Variants in HHLA1 observed in about 807,000 individuals in gnomAD.
The protein encoded by HHLA1 is HERV-H LTR-associating protein 1.
Under a neutral mutation model 69.9 loss-of-function variants are expected in HHLA1, and 72 were observed. That is an observed-to-expected ratio of 1.03 (90% CI 0.85 to 1.25). HHLA1 has a LOEUF of 1.25. Ranked by LOEUF, HHLA1 falls within the 50% of genes most tolerant of loss-of-function variation. The pLI is 0.00. For missense variants in HHLA1, 685 were observed against 642.2 expected (o/e 1.07, Z -0.72); for synonymous variants, 252 against 233.2 (o/e 1.08, Z -0.73).
At chr8:132,065,529 G>A (rs531203282) in intron 16 of HHLA1, among the ~76,000 whole-genome samples, 14 of 152,286 alleles carry the variant, frequency 9.2e-5, no homozygotes, top group South Asian at 4.1e-4. Flanking sequence ...TGATCCGCCC[G>A]CCTTGGCCTC....
intron 10 of HHLA1, among the ~76,000 whole-genome samples, chr8:132,083,695 C>T (rs1400766096): frequency 6.6e-6 from 1 of 152,140 alleles, no homozygotes; most frequent in Admixed American, 6.5e-5. Flanking sequence ...ATTTCCAGCA[C>T]ATGTAGCAAG....
intron 15 of HHLA1, among the ~76,000 whole-genome samples, chr8:132,068,909 T>C (rs1823484250): frequency 6.6e-6 from 1 of 152,038 alleles, no homozygotes; most frequent in Non-Finnish European, 1.5e-5. Flanking sequence ...AGAATGGGAG[T>C]TTAGATTATC....
At chr8:132,107,381 A>G (rs1252185367) in intron 1 of HHLA1, among the ~76,000 whole-genome samples, 4 of 151,964 alleles carry the variant, frequency 2.6e-5, no homozygotes, top group Non-Finnish European at 4.4e-5. Flanking sequence ...GCTCACTGCA[A>G]CCTCCGCCTC....
intron 3 of HHLA1, 55 bp from the exon 4 acceptor site, chr8:132,100,189 C>A: frequency 7.5e-7 from 1 of 1,332,462 alleles, no homozygotes; most frequent in Non-Finnish European, 1.1e-6. Context: ...TTCCTACCCC[C>A]AGGAATGGAA....
Position 132,105,180 on chromosome 8 carries a change from G to T in HHLA1, c.79+7C>A. On this transcript the variant is annotated splice_region_variant and intron_variant, in intron 2 of 16. Transcript: ENST00000414222. Reference sequence around the variant, plus strand: ...ACAGACACTTGCAGAACTCCAGCTAGACCCACCTGTGTTCCAAAGGGACAA... The same window carrying T: ...ACAGACACTTGCAGAACTCCAGCTATACCCACCTGTGTTCCAAAGGGACAA... The T allele has an allele frequency of 6.5e-7, 1 of 1,548,998 alleles. No homozygotes were observed. The highest frequency in any genetic ancestry group is 1.2e-5 in the South Asian group (1 of 83,988).
chr8:132,090,501 G>A (rs1467164756), intron 7 of HHLA1, among the ~76,000 whole-genome samples: 2 of 152,178 alleles, frequency 1.3e-5, no homozygotes, highest in Non-Finnish European at 2.9e-5. Context: ...GCAGGAGCAA[G>A]CTAACTTGAA....
At chr8:132,090,661 G>T (rs539801404) in intron 7 of HHLA1, among the ~76,000 whole-genome samples, 1 of 152,206 alleles carries the variant, frequency 6.6e-6, no homozygotes, top group Non-Finnish European at 1.5e-5. Flanking sequence ...ACCTCCTGGA[G>T]GGAGAACACC....
Position 132,104,116 on chromosome 8 carries a change from G to A in HHLA1, c.131C>T (p.Pro44Leu). 2 of 1,550,314 alleles carry A rather than the reference G, an allele frequency of 1.3e-6. No individual in the cohort carries two copies. Among genetic ancestry groups the A allele is most frequent in the Non-Finnish European group, 1.7e-6 (2 of 1,145,766 alleles). Residue 44 changes from proline to leucine, a missense_variant, in exon 3 of 17, where the codon CCT becomes CTT. Pro to Leu is a moderately conservative substitution (Grantham distance 98, BLOSUM62 -3). Transcript: ENST00000414222. ...CCTTATCACCCACTTACCTGTTGTAGGTAAAAAGGTCATTCCCTTCTCTTT... is the reference window on the plus strand; with the variant it reads ...CCTTATCACCCACTTACCTGTTGTAAGTAAAAAGGTCATTCCCTTCTCTTT... ...AKKEKGMTFL[P>L]TTVSGLREEE...
At chr8:132,092,157 A>G (rs542060334) in intron 7 of HHLA1, among the ~76,000 whole-genome samples, 2 of 152,370 alleles carry the variant, frequency 1.3e-5, no homozygotes, top group African/African-American at 4.8e-5. Context: ...ATAAAAAATG[A>G]AAGATACTGA....
rs118122017 is a variant in HHLA1, at chr8:132,087,748, A to G, written c.590-9T>C. On this transcript the variant is annotated splice_polypyrimidine_tract_variant and intron_variant, in intron 9 of 16. Coordinates refer to ENST00000414222, the MANE Select transcript of HHLA1 (RefSeq NM_001145095.3). Reference sequence around the variant, plus strand: ...GTCAGAAAGATTCCTTCCTGCAAAAATCACACCAACAGGGTCAGATCTTGG... The same window carrying G: ...GTCAGAAAGATTCCTTCCTGCAAAAGTCACACCAACAGGGTCAGATCTTGG... 223 of 1,549,784 alleles carry G rather than the reference A, an allele frequency of 1.4e-4. No individual in the cohort carries two copies. The highest frequency in any genetic ancestry group is 1.9e-4 in the Non-Finnish European group (221 of 1,145,226).
intron 11 of HHLA1, among the ~76,000 whole-genome samples, chr8:132,078,254 T>C (rs576415718): frequency 1.3e-5 from 2 of 149,358 alleles, no homozygotes; most frequent in Non-Finnish European, 3.0e-5. Flanking sequence ...TGTTTGGGGG[T>C]CAGTTAGCTG....
chr8:132,074,425 G>GT (rs1823600418), intron 14 of HHLA1, among the ~76,000 whole-genome samples: 3 of 151,702 alleles, frequency 2.0e-5, no homozygotes, highest in Admixed American at 6.6e-5. Context: ...TCAAAATGGA[G>GT]TCTCCTTTTA....
At chr8:132,101,151 C>T in intron 3 of HHLA1, 4 of 1,519,690 alleles carry the variant, frequency 2.6e-6, no homozygotes, top group Non-Finnish European at 3.5e-6. Flanking sequence ...TTTCATTTTG[C>T]AAATAGAAAA....
intron 2 of HHLA1, 106 bp from the exon 3 acceptor site, chr8:132,104,273 G>A (rs1824167142): frequency 2.7e-6 from 2 of 746,542 alleles, no homozygotes; most frequent in Admixed American, 5.1e-5. Flanking sequence ...ATGATCTGGG[G>A]TTGTGAAGTG....
Position 132,077,708 on chromosome 8 carries a change from G to A in HHLA1, c.1171+18C>T. The A allele has an allele frequency of 6.5e-7, 1 of 1,549,846 alleles. No individual in the cohort carries two copies. The highest frequency in any genetic ancestry group is 1.2e-5 in the South Asian group (1 of 84,008). Reference sequence around the variant, plus strand: ...TTAATTTAAAACGGGAGAGGTAGAAGTGAGCACCCTCTCTTACCCAAGGTA... The same window carrying A: ...TTAATTTAAAACGGGAGAGGTAGAAATGAGCACCCTCTCTTACCCAAGGTA... On this transcript the variant is annotated intron_variant, in intron 12 of 16. Coordinates refer to ENST00000414222, the MANE Select transcript of HHLA1 (RefSeq NM_001145095.3).
intron 1 of HHLA1, among the ~76,000 whole-genome samples, chr8:132,106,520 C>A (rs551783837): frequency 9.2e-5 from 14 of 152,218 alleles, no homozygotes; most frequent in Non-Finnish European, 1.5e-4. Flanking sequence ...TTTTCCTCAT[C>A]TGCAAAACAG....
intron 10 of HHLA1, among the ~76,000 whole-genome samples, chr8:132,083,040 G>A (rs1376023779): frequency 2.1e-5 from 3 of 144,814 alleles, no homozygotes; most frequent in Non-Finnish European, 4.4e-5. Context: ...GTGCATGATT[G>A]GTCGCCAAGG....
intron 5 of HHLA1, among the ~76,000 whole-genome samples, chr8:132,096,284 CTGTG>C: frequency 6.6e-6 from 1 of 152,332 alleles, no homozygotes; most frequent in African/African-American, 2.4e-5. Flanking sequence ...GTCTTTTCTT[CTGTG>C]TGTGTCTCCT....
At chr8:132,065,665 C>G (rs908051951) in intron 16 of HHLA1, among the ~76,000 whole-genome samples, 1 of 152,200 alleles carries the variant, frequency 6.6e-6, no homozygotes, top group Admixed American at 6.5e-5. Context: ...AGTGCTTGGT[C>G]AGGCTGACTC....
Sources: gnomAD v4.1 joint callset for allele counts (sites outside exome capture counted in the v4.1 genomes callset) on GRCh38, gnomAD v4.1.1 for gene constraint, MANE v1.5 for transcripts, NCBI Gene and HGNC (gene_info 2026-07-23, HGNC 2026-07-21) for gene names.